Variants in SGCZ observed in about 807,000 individuals in gnomAD.
The protein encoded by SGCZ is zeta-sarcoglycan.
SGCZ carries 40 observed loss-of-function variants against 41.3 expected under a neutral mutation model. The observed-to-expected ratio is 0.97, with a 90% CI of 0.75 to 1.26. The LOEUF is 1.26. Ranked by LOEUF, SGCZ falls within the 50% of genes most tolerant of loss-of-function variation. The pLI is 0.00. For synonymous variants in SGCZ, 206 were observed against 137.5 expected, an observed-to-expected ratio of 1.50 and a Z score of -3.49; for missense variants, 552 against 369.8, an observed-to-expected ratio of 1.49 and a Z score of -4.04.
At chr8:14,893,856 A>C (rs1380007034) in intron 1 of SGCZ, among the ~76,000 whole-genome samples, 1 of 152,188 alleles carries the variant, frequency 6.6e-6, no homozygotes, top group African/African-American at 2.4e-5. Flanking sequence ...GGATTTTTCT[A>C]AGATGTCAAA....
At chr8:15,123,522 G>T (rs527322537) in intron 1 of SGCZ, among the ~76,000 whole-genome samples, 1 of 152,156 alleles carries the variant, frequency 6.6e-6, no homozygotes, top group Non-Finnish European at 1.5e-5. Context: ...TCATTTTACA[G>T]TTGAGGAAAT....
At chr8:14,896,437 T>TTTATTTATTTA (rs1805201384) in intron 1 of SGCZ, among the ~76,000 whole-genome samples, 3 of 151,306 alleles carry the variant, frequency 2.0e-5, no homozygotes, top group Admixed American at 6.6e-5. Context: ...GATGGAAGAC[T>TTTATTTATTTA]TTTATTTATT....
intron 1 of SGCZ, among the ~76,000 whole-genome samples, chr8:14,856,947 T>A (rs1296499826): frequency 2.0e-5 from 3 of 152,138 alleles, no homozygotes; most frequent in East Asian, 1.9e-4. Flanking sequence ...ATGGTTTGGA[T>A]CCGTGTCTCT....
At chr8:14,529,042 C>A (rs897287843) in intron 2 of SGCZ, among the ~76,000 whole-genome samples, 1 of 152,016 alleles carries the variant, frequency 6.6e-6, no homozygotes, top group South Asian at 2.1e-4. Flanking sequence ...CAACATATTT[C>A]TCTCCTTCAT....
chr8:14,489,199 G>T lies in SGCZ; in HGVS notation c.234+65533C>A, dbSNP rs185468672. ...TTAGTTTAACAAGGCTGTTTTGCAA[G>T]AGGCTGTGGTTGCATTCAAAAATTA... On this transcript the variant is annotated intron_variant, in intron 2 of 7. Coordinates refer to ENST00000382080, the MANE Select transcript of SGCZ (RefSeq NM_139167.4). Among the ~76,000 whole-genome samples the T allele has an allele frequency of 7.5e-4, 114 of 152,140 alleles. 2 individuals carry two copies. The highest frequency in any genetic ancestry group is 4.4e-3 in the Admixed American group (67 of 15,254).
intron 1 of SGCZ, among the ~76,000 whole-genome samples, chr8:14,759,811 G>C (rs1563250942): frequency 1.3e-5 from 2 of 152,208 alleles, no homozygotes; most frequent in South Asian, 4.2e-4. Flanking sequence ...GTCTGTGATG[G>C]TGCCTTCACA....
intron 1 of SGCZ, among the ~76,000 whole-genome samples, chr8:15,066,357 C>A: frequency 6.7e-6 from 1 of 150,310 alleles, no homozygotes; most frequent in East Asian, 2.0e-4. Context: ...ACTTTTCACT[C>A]TTTTGTTACT....
intron 1 of SGCZ, among the ~76,000 whole-genome samples, chr8:15,014,892 C>G (rs775150231): frequency 1.3e-5 from 2 of 152,174 alleles, no homozygotes; most frequent in Non-Finnish European, 2.9e-5. Flanking sequence ...TAAGCTGGCC[C>G]AAGCAGCCTT....
chr8:14,735,420 C>G (rs1445762566), intron 1 of SGCZ, among the ~76,000 whole-genome samples: 6 of 152,268 alleles, frequency 3.9e-5, no homozygotes, highest in African/African-American at 1.4e-4. Flanking sequence ...ACTGAGTTTT[C>G]TGGTTTTCAT....
At chr8:14,839,333 C>T (rs1017627944) in intron 1 of SGCZ, among the ~76,000 whole-genome samples, 26 of 152,060 alleles carry the variant, frequency 1.7e-4, no homozygotes, top group African/African-American at 5.6e-4. Flanking sequence ...AGATGATGCA[C>T]GCTTGCAGAG....
intron 2 of SGCZ, among the ~76,000 whole-genome samples, chr8:14,551,560 T>TATATATAATATATAATATATATA (rs1803850787): frequency 1.0e-4 from 2 of 19,334 alleles, no homozygotes; most frequent in South Asian, 1.3e-3. Flanking sequence ...TAATATATAT[T>TATATATAATATATAATATATATA]ATATATATAA....
rs562580190 is a variant in SGCZ at position 14,201,500 on chromosome 8, T to C, written c.424+36092A>G. ...AACAATATGAATAAATTCAAATCCATTGTGCTGAGTGAAAGAAACCACACT... is the reference window on the plus strand; with the variant it reads ...AACAATATGAATAAATTCAAATCCACTGTGCTGAGTGAAAGAAACCACACT... On this transcript the variant is annotated intron_variant, in intron 4 of 7. Coordinates refer to ENST00000382080, the MANE Select transcript of SGCZ (RefSeq NM_139167.4). 1.1e-4 allele frequency among the ~76,000 whole-genome samples: 16 copies of C among 152,266 alleles called. No individual in the cohort carries two copies. In the South Asian group the frequency reaches 1.9e-3, roughly 18 times the overall value.
intron 1 of SGCZ, among the ~76,000 whole-genome samples, chr8:15,075,407 C>T (rs990313163): frequency 6.6e-6 from 1 of 152,070 alleles, no homozygotes; most frequent in Admixed American, 6.6e-5. Flanking sequence ...TAAAAGCATG[C>T]TGAACTTTAA....
chr8:14,346,530 G>C (rs1349373789), intron 2 of SGCZ, among the ~76,000 whole-genome samples: 1 of 151,914 alleles, frequency 6.6e-6, no homozygotes. Flanking sequence ...AAGCCATAGA[G>C]TTACATAGTG....
chr8:14,561,824 T>C (rs554375830), intron 1 of SGCZ, among the ~76,000 whole-genome samples: 9 of 152,304 alleles, frequency 5.9e-5, no homozygotes, highest in African/African-American at 1.7e-4. Flanking sequence ...TATCTAATAA[T>C]GTAAATAACA....
At chr8:15,179,776 A>T (rs268355) in intron 1 of SGCZ, among the ~76,000 whole-genome samples, 77,356 of 152,016 alleles carry the variant, frequency 0.51, 20,432 homozygotes, top group Non-Finnish European at 0.58. Flanking sequence ...TAGGAAATAG[A>T]GGCAAAATAA....
chr8:14,725,061 CT>C (rs1810007073), intron 1 of SGCZ, among the ~76,000 whole-genome samples: 1 of 152,080 alleles, frequency 6.6e-6, no homozygotes, highest in Non-Finnish European at 1.5e-5. Flanking sequence ...ATGAGGTCAA[CT>C]TTTTTAGCTC....
intron 1 of SGCZ, among the ~76,000 whole-genome samples, chr8:14,719,827 T>A (rs1270253275): frequency 6.6e-6 from 1 of 152,030 alleles, no homozygotes; most frequent in East Asian, 1.9e-4. Context: ...TGATGGTAGT[T>A]TCTTTTGCTG....
chr8:15,040,332 G>C (rs574195472), intron 1 of SGCZ, among the ~76,000 whole-genome samples: 4 of 152,022 alleles, frequency 2.6e-5, no homozygotes, highest in African/African-American at 9.7e-5. Flanking sequence ...AAGTGATTTC[G>C]TTGGCCGCGA....
Sources: allele counts gnomAD v4.1 joint callset (sites outside exome capture counted in the v4.1 genomes callset), GRCh38; gene constraint gnomAD v4.1.1; transcripts MANE v1.5; gene names NCBI Gene and HGNC (gene_info 2026-07-23, HGNC 2026-07-21).